PPP6R3: variants seen among roughly 807,000 people sequenced by gnomAD.
The protein encoded by PPP6R3 is serine/threonine-protein phosphatase 6 regulatory subunit 3.
A neutral mutation model predicts 110.7 loss-of-function variants in PPP6R3; 38 were observed. That is an observed-to-expected ratio of 0.34 (90% CI 0.26 to 0.45). The LOEUF is 0.45. Ranked by LOEUF, PPP6R3 falls within the 20% of genes least tolerant of loss-of-function variation. The pLI, the probability that PPP6R3 is intolerant of heterozygous loss-of-function variation, is 1.00. For missense variants in PPP6R3, 870 were observed against 1,062.4 expected, an observed-to-expected ratio of 0.82 and a Z score of 2.52; for synonymous variants, 369 against 373.5, an observed-to-expected ratio of 0.99 and a Z score of 0.14.
intron 2 of PPP6R3, among the ~76,000 whole-genome samples, chr11:68,520,917 G>A (rs1049434331): frequency 1.3e-5 from 2 of 152,066 alleles, no homozygotes; most frequent in Admixed American, 6.6e-5. Context: ...GATTACAGGC[G>A]TGCACCACCA....
chr11:68,540,483 C>T (rs917532124), intron 3 of PPP6R3, among the ~76,000 whole-genome samples: 16 of 152,192 alleles, frequency 1.1e-4, no homozygotes, highest in African/African-American at 1.9e-4. Flanking sequence ...GGCGAGATCA[C>T]AGGACCGGGG....
chr11:68,573,151 TA>T (rs1565935974), intron 12 of PPP6R3, among the ~76,000 whole-genome samples: 8 of 111,976 alleles, frequency 7.1e-5, no homozygotes, highest in Non-Finnish European at 1.3e-4. Flanking sequence ...TATATATATA[TA>T]TAATTTTTTT....
intron 1 of PPP6R3, among the ~76,000 whole-genome samples, chr11:68,504,402 G>A (rs779630268): frequency 3.3e-5 from 5 of 152,006 alleles, no homozygotes; most frequent in Non-Finnish European, 5.9e-5. Context: ...ACTTTTTCAC[G>A]TTTCACTTAA....
intron 3 of PPP6R3, among the ~76,000 whole-genome samples, chr11:68,539,364 T>TA (rs1317468470): frequency 1.3e-5 from 2 of 152,222 alleles, no homozygotes; most frequent in East Asian, 3.9e-4. Context: ...ATGAAGGGCT[T>TA]ACTTTCCACA....
intron 1 of PPP6R3, among the ~76,000 whole-genome samples, chr11:68,484,421 C>T (rs992758583): frequency 6.6e-6 from 1 of 152,050 alleles, no homozygotes; most frequent in East Asian, 1.9e-4. Flanking sequence ...TGTGCTATCT[C>T]ATTGTTGCTT....
In PPP6R3 at chr11:68,470,631, C is replaced by T. The variant is rs569775767; in HGVS notation, c.-158+9804C>T. On this transcript the variant is annotated intron_variant, in intron 1 of 23. Coordinates refer to ENST00000393800, the MANE Select transcript of PPP6R3 (RefSeq NM_001164161.2). ...CCTGTGCTGCTGGAGGGAGGTTGGACGCTCTGGCAGTGATCCAGGAGAGCA... is the reference window on the plus strand; with the variant it reads ...CCTGTGCTGCTGGAGGGAGGTTGGATGCTCTGGCAGTGATCCAGGAGAGCA... 2.4e-4 allele frequency among the ~76,000 whole-genome samples: 37 copies of T among 152,240 alleles called. No homozygotes were observed. In the South Asian group the frequency reaches 4.1e-3, roughly 17 times the overall value.
At chr11:68,536,076 T>A (rs916199848) in intron 2 of PPP6R3, among the ~76,000 whole-genome samples, 1 of 152,200 alleles carries the variant, frequency 6.6e-6, no homozygotes, top group African/African-American at 2.4e-5. Flanking sequence ...TTACAGAGCC[T>A]TGAGTAACCA....
chr11:68,462,291 G>A (rs2098713520), intron 1 of PPP6R3, among the ~76,000 whole-genome samples: 1 of 152,196 alleles, frequency 6.6e-6, no homozygotes, highest in Non-Finnish European at 1.5e-5. Context: ...CTCTGTGTAA[G>A]ACTCAGTTGG....
chr11:68,511,543 C>T (rs1278785917), intron 1 of PPP6R3, among the ~76,000 whole-genome samples: 8 of 141,206 alleles, frequency 5.7e-5, no homozygotes, highest in Admixed American at 1.4e-4. Flanking sequence ...TGCAGTGTCG[C>T]GATCTCAGCT....
chr11:68,564,255 G>T, intron 8 of PPP6R3, 48 bp from the exon 9 acceptor site: 1 of 1,532,906 alleles, frequency 6.5e-7, no homozygotes, highest in Non-Finnish European at 8.9e-7. Context: ...AACCTTGAAT[G>T]ATTTGTTCTG....
Position 68,614,831 on chromosome 11 carries a change from G to T in PPP6R3, c.*1714G>T. Reference sequence around the variant, plus strand: ...GACAGGGCTCCTCCTGCTTGCCTCAGGGCTGCCTGACTTGAATGGCGTTGG... The same window carrying T: ...GACAGGGCTCCTCCTGCTTGCCTCATGGCTGCCTGACTTGAATGGCGTTGG... On this transcript the variant is annotated 3_prime_UTR_variant, in exon 24 of 24. Transcript: ENST00000393800. The T allele has an allele frequency of 7.5e-7, 1 of 1,332,272 alleles. No individual in the cohort carries two copies. The highest frequency in any genetic ancestry group is 1.0e-6 in the Non-Finnish European group (1 of 954,430). The allele number at this position is 1,332,272 out of a possible 1,614,324, so 82.5% of individuals were successfully genotyped here. A position where few individuals can be genotyped will look rare whatever the true frequency, so the allele number is the denominator to read the frequency against.
chr11:68,485,273 CT>C (rs34482880), intron 1 of PPP6R3, among the ~76,000 whole-genome samples: 8,335 of 84,684 alleles, frequency 0.098, 137 homozygotes, highest in Middle Eastern at 0.19. Context: ...AGTTCTGGGA[CT>C]TTTTTTTTTT....
chr11:68,477,741 A>AAAATATATATATAT, intron 1 of PPP6R3, among the ~76,000 whole-genome samples: 20 of 57,906 alleles, frequency 3.5e-4, no homozygotes, highest in African/African-American at 6.4e-4. Flanking sequence ...AAAAAAAAAA[A>AAAATATATATATAT]ATATATATAT....
At position 68,544,859 on chromosome 11, in the gene PPP6R3, G is replaced by C; in HGVS notation, c.249G>C (p.Glu83Asp). The change falls in exon 4 of 24, where the codon GAG (glutamate) becomes GAC (aspartate). Residue 83 changes from glutamate to aspartate, a missense_variant. By Grantham distance (45) the Glu-to-Asp change is conservative. Coordinates refer to ENST00000393800, the MANE Select transcript of PPP6R3 (RefSeq NM_001164161.2). ...IRYKYPNISC[E>D]LLTSDVSQMN... ...CTAGGTATCCAAATATATCTTGTGA[G>C]TTGCTCACTTCTGATGTCTCCCAGA... 1 of 1,603,096 alleles carries C rather than the reference G, an allele frequency of 6.2e-7. No homozygotes were observed. Among genetic ancestry groups the C allele is most frequent in the Non-Finnish European group, 8.5e-7 (1 of 1,170,708 alleles).
chr11:68,578,525 T>C (rs1238672866), intron 14 of PPP6R3, among the ~76,000 whole-genome samples: 1 of 152,230 alleles, frequency 6.6e-6, no homozygotes, highest in Non-Finnish European at 1.5e-5. Context: ...TCAGGTATAT[T>C]CATAGAAGTG....
In PPP6R3 at chr11:68,554,277, C is replaced by T; in HGVS notation, c.731+20C>T. On this transcript the variant is annotated intron_variant, in intron 7 of 23. Coordinates refer to ENST00000393800, the MANE Select transcript of PPP6R3 (RefSeq NM_001164161.2). The stretch of plus-strand genomic sequence containing the variant: ...AGAAAAGTATGTGTAAAACTCTGTT[C>T]TTGTTCTTCTTTCATATTGATGCTG... 1.3e-6 allele frequency: 2 copies of T among 1,543,194 alleles called. No homozygotes were observed. The highest frequency in any genetic ancestry group is 1.8e-6 in the Non-Finnish European group (2 of 1,121,568).
At chr11:68,489,890 C>G (rs2098973061) in intron 1 of PPP6R3, among the ~76,000 whole-genome samples, 1 of 152,114 alleles carries the variant, frequency 6.6e-6, no homozygotes, top group South Asian at 2.1e-4. Context: ...ACAAATATTT[C>G]TGATTCCGCC....
At chr11:68,520,884 G>C (rs1008593339) in intron 2 of PPP6R3, among the ~76,000 whole-genome samples, 1 of 152,092 alleles carries the variant, frequency 6.6e-6, no homozygotes, top group African/African-American at 2.4e-5. Flanking sequence ...CGATTATCCG[G>C]TCTTGGCCTC....
Position 68,590,671 on chromosome 11 carries a change from A to C in PPP6R3, c.1742A>C (p.Asp581Ala). ...DQDDIGNVSF[D>A]RVSDINFTLN... Reference sequence around the variant, plus strand: ...TTGTTTTTTTACAGTGTTTCTTTTGATCGAGTATCAGACATCAACTTTACT... The same window carrying C: ...TTGTTTTTTTACAGTGTTTCTTTTGCTCGAGTATCAGACATCAACTTTACT... Residue 581 changes from aspartate (D) to alanine (A), a missense_variant, in exon 17 of 24, where the codon GAT (aspartate) becomes GCT (alanine). Transcript: ENST00000393800. 1.3e-6 allele frequency: 2 copies of C among 1,589,662 alleles called. No homozygotes were observed. Among genetic ancestry groups the C allele is most frequent in the Non-Finnish European group, 1.7e-6 (2 of 1,163,166 alleles).
Sources: gnomAD v4.1 joint callset for allele counts (sites outside exome capture counted in the v4.1 genomes callset) on GRCh38, gnomAD v4.1.1 for gene constraint, MANE v1.5 for transcripts, NCBI Gene and HGNC (gene_info 2026-07-23, HGNC 2026-07-21) for gene names.